Variants in SH3BP4 observed in about 807,000 individuals in gnomAD.
The protein encoded by SH3BP4 is SH3 domain-binding protein 4.
SH3BP4 carries 33 observed loss-of-function variants against 65.5 expected under a neutral mutation model. That is an observed-to-expected ratio of 0.50 (90% confidence interval 0.38 to 0.67). The LOEUF (loss-of-function observed/expected upper bound fraction) is 0.67, where lower values mean the gene tolerates loss of function less well. SH3BP4 is among the 30% of genes least tolerant of loss of function. The pLI is 0.00. For missense variants in SH3BP4, 1,134 were observed against 1,261.4 expected (o/e 0.90, Z 1.53); for synonymous variants, 552 against 545.5 (o/e 1.01, Z -0.17).
rs1231364048 is a variant in SH3BP4 at position 235,038,303 on chromosome 2, AT to A, written c.119-2584del. Among the ~76,000 whole-genome samples, 3 of 11,616 alleles carry A rather than the reference AT, an allele frequency of 2.6e-4. No homozygotes were observed. The African/African-American group carries it at 2.9e-3, about 11-fold the overall frequency. 7.6% of individuals were successfully genotyped at this position (11,616 alleles called of 152,430 possible). ...ATATTATATATAATATATATATTAT[AT>A]ATATATATTATATATTATATATATA... On this transcript the variant is annotated intron_variant, in intron 3 of 5. Coordinates refer to ENST00000392011, the MANE Select transcript of SH3BP4 (RefSeq NM_014521.3).
chr2:234,966,226 A>C (rs1692833358), intron 1 of SH3BP4, among the ~76,000 whole-genome samples: 1 of 152,162 alleles, frequency 6.6e-6, no homozygotes, highest in Non-Finnish European at 1.5e-5. Flanking sequence ...TAAAAATACA[A>C]AATTAACCAG....
chr2:235,001,408 T>A (rs1694094936), intron 2 of SH3BP4, among the ~76,000 whole-genome samples: 1 of 152,182 alleles, frequency 6.6e-6, no homozygotes, highest in South Asian at 2.1e-4. Context: ...CACTTGGAGA[T>A]AAGATAAGCC....
chr2:234,968,835 T>C (rs1692905410), intron 1 of SH3BP4, among the ~76,000 whole-genome samples: 1 of 152,266 alleles, frequency 6.6e-6, no homozygotes, highest in South Asian at 2.1e-4. Flanking sequence ...TTCATACTTT[T>C]CCTGATACCC....
chr2:235,007,723 C>T (rs1447824202), intron 2 of SH3BP4, among the ~76,000 whole-genome samples: 2 of 152,130 alleles, frequency 1.3e-5, no homozygotes, highest in African/African-American at 4.8e-5. Flanking sequence ...GCTTGAGAGG[C>T]TGCGGCCATC....
rs988695335 is a variant in SH3BP4, at chr2:234,973,222, T to A, written c.-207+21052T>A. 4.6e-5 allele frequency among the ~76,000 whole-genome samples: 7 copies of A among 152,178 alleles called. No homozygotes were observed. The South Asian group carries it at 6.2e-4, about 14-fold the overall frequency. ...TTTCACTGGGTGGTTTCACTGGCAG[T>A]GCTGACGTCGCCCACACACCATCCA... On this transcript the variant is annotated intron_variant, in intron 1 of 5. Coordinates refer to ENST00000392011, the MANE Select transcript of SH3BP4 (RefSeq NM_014521.3).
In SH3BP4 at chr2:234,997,616, A is replaced by C. The variant is rs1693963265; in HGVS notation, c.-133+2240A>C. On this transcript the variant is annotated intron_variant, in intron 2 of 5. Coordinates refer to ENST00000392011, the MANE Select transcript of SH3BP4 (RefSeq NM_014521.3). This position sits in a 1 kb window ranked among gnomAD's most constrained non-coding sequence, Gnocchi z 4.2. The stretch of plus-strand genomic sequence containing the variant: ...GGGGACGGAGCCGGTGCGGAGATCG[A>C]GGCCCCACAAGGCCTGCCCCTGTGG... 6.6e-6 allele frequency among the ~76,000 whole-genome samples: 1 copy of C among 152,134 alleles called. No homozygotes were observed. Among genetic ancestry groups the C allele is most frequent in the Admixed American group, 6.5e-5 (1 of 15,282 alleles).
Position 235,041,470 on chromosome 2 carries a change from G to C in SH3BP4, c.701G>C (p.Arg234Pro), listed in dbSNP as rs1050022162. 1 of 1,614,182 alleles carries C rather than the reference G, an allele frequency of 6.2e-7. No individual in the cohort carries two copies. Among genetic ancestry groups the C allele is most frequent in the East Asian group, 2.2e-5 (1 of 44,884 alleles). Residue 234 changes from arginine (R) to proline (P), a missense_variant, in exon 4 of 6, where the codon CGG (arginine) becomes CCG (proline). By Grantham distance (103) the Arg-to-Pro change is moderately radical. Transcript: ENST00000392011. This position sits in a 1 kb window ranked among gnomAD's most constrained non-coding sequence, Gnocchi z 6.0. The stretch of plus-strand genomic sequence containing the variant: ...CTCCACGCAGAGCCGCCGGTCAGGC[G>C]GGACAACCCCTTCTTCAGAAGCAAG... ...NGLHAEPPVR[R>P]DNPFFRSKRS... is the part of the protein sequence containing the mutation.
At chr2:235,022,650 G>T (rs1694879539) in intron 2 of SH3BP4, among the ~76,000 whole-genome samples, 1 of 152,196 alleles carries the variant, frequency 6.6e-6, no homozygotes, top group African/African-American at 2.4e-5. Context: ...GATAAGCAAG[G>T]CTTTTCTTGA....
In SH3BP4 at chr2:235,026,994, TAGAC is replaced by T. The variant is rs1695021984; in HGVS notation, c.-132-7874_-132-7871del. On this transcript the variant is annotated intron_variant, in intron 2 of 5. Transcript: ENST00000392011. This position sits in a 1 kb window ranked among gnomAD's most constrained non-coding sequence, Gnocchi z 4.6. The stretch of plus-strand genomic sequence containing the variant: ...AGGCACGTTCAGGGTGATATGACGA[TAGAC>T]AGTGCTCCAGGAGCATTAGGAAAGG... Among the ~76,000 whole-genome samples the T allele has an allele frequency of 6.6e-6, 1 of 152,320 alleles. No individual in the cohort carries two copies. The highest frequency in any genetic ancestry group is 6.5e-5 in the Admixed American group (1 of 15,310).
chr2:235,021,659 G>A lies in SH3BP4; in HGVS notation c.-132-13212G>A, dbSNP rs566318255. ...AAATGATAATAATAAAGTTTATTTG[G>A]AAGAAAAAAAAGGTAAAAATAACTG... On this transcript the variant is annotated intron_variant, in intron 2 of 5. Transcript: ENST00000392011. Among the ~76,000 whole-genome samples the A allele has an allele frequency of 2.0e-5, 3 of 151,518 alleles. No individual in the cohort carries two copies. The East Asian group carries it at 5.8e-4, about 29-fold the overall frequency.
intron 1 of SH3BP4, among the ~76,000 whole-genome samples, chr2:234,953,523 G>A (rs1186498504): frequency 1.3e-5 from 2 of 152,206 alleles, no homozygotes; most frequent in East Asian, 3.9e-4. Flanking sequence ...CAGATGAAAT[G>A]ATGGGAGAGG....
rs1692488864 is a variant in SH3BP4, at chr2:234,952,290, G to T, written c.-207+120G>T. On this transcript the variant is annotated intron_variant, in intron 1 of 5. Coordinates refer to ENST00000392011, the MANE Select transcript of SH3BP4 (RefSeq NM_014521.3). This position sits in a 1 kb window ranked among gnomAD's most constrained non-coding sequence, Gnocchi z 6.5. ...GGGCGCAGATCGTGCCGCGGGCGCC[G>T]ATCGTGCCACCGCCGCCTGAGTTCG... 1 of 150,576 alleles carries T rather than the reference G, an allele frequency of 6.6e-6. No homozygotes were observed. The highest frequency in any genetic ancestry group is 2.0e-4 in the South Asian group (1 of 4,982). 9.3% of individuals were successfully genotyped at this position (150,576 alleles called of 1,614,324 possible).
chr2:234,987,033 A>C (rs1284438939), intron 1 of SH3BP4, among the ~76,000 whole-genome samples: 1 of 151,588 alleles, frequency 6.6e-6, no homozygotes, highest in African/African-American at 2.4e-5. Context: ...TGGCCTCCCA[A>C]ATTGCTTGGA....
rs929051904 is a variant in SH3BP4 at position 235,052,071 on chromosome 2, G to C, written c.2479-491G>C. Among the ~76,000 whole-genome samples, 10 of 152,190 alleles carry C rather than the reference G, an allele frequency of 6.6e-5. No homozygotes were observed. Among genetic ancestry groups the C allele is most frequent in the Non-Finnish European group, 1.3e-4 (9 of 68,046 alleles). ...AGGGTGGCCTCCGTCTGGAAGCAGT[G>C]GGGGAGAAGGGGTTGCAGGCCTGCC... On this transcript the variant is annotated intron_variant, in intron 4 of 5. Transcript: ENST00000392011. The surrounding 1 kb of genome is among the most constrained non-coding windows in gnomAD (Gnocchi z 5.0).
chr2:234,999,811 C>A (rs548280571), intron 2 of SH3BP4, among the ~76,000 whole-genome samples: 4 of 152,224 alleles, frequency 2.6e-5, no homozygotes, highest in Non-Finnish European at 5.9e-5. Context: ...ATGAATTGGT[C>A]ATCAAAAATT....
chr2:234,981,678 G>A (rs1693388006), intron 1 of SH3BP4: 1 of 149,800 alleles, frequency 6.7e-6, no homozygotes, highest in African/African-American at 2.5e-5. Flanking sequence ...ATCTGCAGTC[G>A]GTTTCTGGCG....
At chr2:234,955,357 C>A (rs1692562834) in intron 1 of SH3BP4, among the ~76,000 whole-genome samples, 1 of 152,128 alleles carries the variant, frequency 6.6e-6, no homozygotes, top group African/African-American at 2.4e-5. Flanking sequence ...CTGCCACCAC[C>A]CTGTGGAGCA....
chr2:234,964,351 T>C (rs778875710), intron 1 of SH3BP4, among the ~76,000 whole-genome samples: 9 of 152,198 alleles, frequency 5.9e-5, no homozygotes, highest in Non-Finnish European at 7.3e-5. Context: ...TTCCCTCTTC[T>C]TGTTCACGCT....
At chr2:234,955,026 A>G (rs1692555440) in intron 1 of SH3BP4, among the ~76,000 whole-genome samples, 1 of 152,102 alleles carries the variant, frequency 6.6e-6, no homozygotes, top group Non-Finnish European at 1.5e-5. Flanking sequence ...CCTTAGCTTT[A>G]TTATTTTCAA....
Sources: gnomAD v4.1 joint callset for allele counts (sites outside exome capture counted in the v4.1 genomes callset) on GRCh38, gnomAD v4.1.1 for gene constraint, Gnocchi (gnomAD v3.1) non-coding constraint, MANE v1.5 for transcripts, NCBI Gene and HGNC (gene_info 2026-07-23, HGNC 2026-07-21) for gene names.